The following CTR9 variants were observed in gnomAD, a reference collection of about 807,000 sequenced individuals.
CTR9 encodes RNA polymerase-associated protein CTR9 homolog.
Under a neutral mutation model 152.1 loss-of-function variants are expected in CTR9, and 41 were observed. The observed-to-expected ratio is 0.27, with a 90% CI of 0.21 to 0.35. The LOEUF is 0.35. Ranked by LOEUF, CTR9 falls within the 10% of genes least tolerant of loss-of-function variation. The pLI is 1.00. For missense variants in CTR9, 917 were observed against 1,424.4 expected (o/e 0.64, Z 5.73); for synonymous variants, 476 against 496.2 (o/e 0.96, Z 0.54).
At chr11:10,778,621 C>T (rs1863278535) in intron 24 of CTR9, 58 bp from the exon 25 acceptor site, 3 of 1,517,414 alleles carry the variant, frequency 2.0e-6, no homozygotes, top group Non-Finnish European at 1.8e-6. Context: ...ATTGTCTGCT[C>T]ATCAAGGCCC....
intron 24 of CTR9, 106 bp downstream of exon 24, chr11:10,775,739 C>A: frequency 4.2e-5 from 18 of 424,418 alleles, no homozygotes; most frequent in Non-Finnish European, 6.2e-5. Flanking sequence ...CTTTCTTTTT[C>A]TTTATAAATA....
intron 18 of CTR9, 126 bp downstream of exon 18, chr11:10,770,758 A>G (rs944359985): frequency 1.1e-6 from 1 of 886,830 alleles, no homozygotes; most frequent in African/African-American, 1.7e-5. Context: ...GCTGAAAATC[A>G]CTTCCTTCTA....
chr11:10,763,817 A>C lies in CTR9; in HGVS notation c.1132A>C (p.Met378Leu). ...AGCTTATCCTAATAATTACGAAACT[A>C]TGAAAATTCTCGGCTCTCTCTATGC... ...LKAYPNNYET[M>L]KILGSLYAAS... The change falls in exon 9 of 25, where the codon ATG becomes CTG. Residue 378 changes from methionine (M) to leucine (L), a missense_variant. Around this residue, in one of 9 missense-constraint regions of CTR9, gnomAD observed 133 missense variants for 244.1 expected, o/e 0.54. Transcript: ENST00000361367. 1 of 1,613,958 alleles carries C rather than the reference A, an allele frequency of 6.2e-7. No individual in the cohort carries two copies. The highest frequency in any genetic ancestry group is 8.5e-7 in the Non-Finnish European group (1 of 1,179,990).
At position 10,751,565 on chromosome 11, in the gene CTR9, G is replaced by C. The variant is rs528433025; in HGVS notation, c.45+108G>C. 3.2e-5 allele frequency: 35 copies of C among 1,096,730 alleles called. No individual in the cohort carries two copies. In the Middle Eastern group the frequency reaches 8.1e-4, roughly 25 times the overall value. The allele number at this position is 1,096,730 out of a possible 1,614,324, so 67.9% of individuals were successfully genotyped here. A position where few individuals can be genotyped will look rare whatever the true frequency, so the allele number is the denominator to read the frequency against. ...GCGAGAGCATCCTCCTTCCCTAAGAGCCCTGATCGAAATACCTGGCCAAGG... is the reference window on the plus strand; with the variant it reads ...GCGAGAGCATCCTCCTTCCCTAAGACCCCTGATCGAAATACCTGGCCAAGG... On this transcript the variant is annotated intron_variant, in intron 1 of 24. Transcript: ENST00000361367.
intron 2 of CTR9, among the ~76,000 whole-genome samples, chr11:10,754,226 G>A (rs1347877347): frequency 6.6e-6 from 1 of 152,130 alleles, no homozygotes; most frequent in Non-Finnish European, 1.5e-5. Flanking sequence ...TTGTTAAACA[G>A]GCCCAAATCA....
At chr11:10,756,284 C>A (rs905314934) in intron 4 of CTR9, among the ~76,000 whole-genome samples, 1 of 152,154 alleles carries the variant, frequency 6.6e-6, no homozygotes, top group Admixed American at 6.5e-5. Context: ...TTCAGTGGTA[C>A]AAGTGCAGGT....
chr11:10,759,180 T>A (rs1409315394), intron 5 of CTR9, among the ~76,000 whole-genome samples: 1 of 152,138 alleles, frequency 6.6e-6, no homozygotes, highest in African/African-American at 2.4e-5. Flanking sequence ...AGCACTCTGA[T>A]ATTAAGAGAT....
At chr11:10,773,884 C>CAA (rs11386264) in intron 21 of CTR9, 128 bp from the exon 22 acceptor site, 11,831 of 400,190 alleles carry the variant, frequency 0.03, 72 homozygotes, top group African/African-American at 0.056. Context: ...GACTTCATCT[C>CAA]AAAAAAAAAA....
At chr11:10,772,752 G>A in intron 20 of CTR9, 97 bp downstream of exon 20, 1 of 1,245,798 alleles carries the variant, frequency 8.0e-7, no homozygotes, top group East Asian at 2.7e-5. Context: ...AGGCGTGGTG[G>A]CTGACACCTC....
chr11:10,779,031 G>A lies in CTR9; in HGVS notation c.3448G>A (p.Glu1150Lys). 1.2e-6 allele frequency: 2 copies of A among 1,614,178 alleles called. No homozygotes were observed. The highest frequency in any genetic ancestry group is 1.7e-6 in the Non-Finnish European group (2 of 1,180,034). ...GGGTTCTGGCCAAGGCTCTGGAAAT[G>A]AATCGGAACCAGAGGGATCCAACAA... Reference protein sequence around the residue: ...NEGSGQGSGNESEPEGSNNEA... With the variant: ...NEGSGQGSGNKSEPEGSNNEA... The change falls in exon 25 of 25, where the codon GAA (glutamate) becomes AAA (lysine). Residue 1150 changes from glutamate to lysine, a missense_variant. Transcript: ENST00000361367.
chr11:10,775,144 A>G (rs546751004), intron 22 of CTR9, 63 bp from the exon 23 acceptor site: 125 of 1,317,386 alleles, frequency 9.5e-5, no homozygotes, highest in African/African-American at 8.5e-4. Context: ...TTTAATGGCA[A>G]AGTAGTCTGG....
chr11:10,762,669 G>A (rs1276854977), intron 7 of CTR9, among the ~76,000 whole-genome samples: 2 of 152,056 alleles, frequency 1.3e-5, no homozygotes, highest in Non-Finnish European at 2.9e-5. Flanking sequence ...TTTTTAAGTT[G>A]CCACTAATTC....
chr11:10,761,601 T>A (rs2135364975), intron 6 of CTR9, among the ~76,000 whole-genome samples: 1 of 151,928 alleles, frequency 6.6e-6, no homozygotes, highest in East Asian at 1.9e-4. Context: ...CACAGTGAGA[T>A]CCTGTCTGAA....
At chr11:10,757,174 C>G (rs1862899067) in intron 5 of CTR9, among the ~76,000 whole-genome samples, 1 of 151,978 alleles carries the variant, frequency 6.6e-6, no homozygotes. Flanking sequence ...GGTCCCAGCT[C>G]CTTAGGAGGC....
At chr11:10,776,046 T>G (rs558784332) in intron 24 of CTR9, among the ~76,000 whole-genome samples, 19 of 152,212 alleles carry the variant, frequency 1.2e-4, no homozygotes, top group Non-Finnish European at 1.9e-4. Flanking sequence ...CCTGGTCATA[T>G]GGAGATAGGC....
chr11:10,772,855 C>T lies in CTR9; in HGVS notation c.2580+200C>T, dbSNP rs191915212. ...CAGCCTGGCCAACATGGTGGAACCC[C>T]GTCTCTACTAAAAATACAAAAATTA... On this transcript the variant is annotated intron_variant, in intron 20 of 24. Transcript: ENST00000361367. Among the ~76,000 whole-genome samples, 412 of 151,896 alleles carry T rather than the reference C, an allele frequency of 2.7e-3. 1 individual carries two copies. The highest frequency in any genetic ancestry group is 9.2e-3 in the African/African-American group (379 of 41,416).
At chr11:10,756,881 C>A in intron 5 of CTR9, 43 bp downstream of exon 5, 2 of 1,185,630 alleles carry the variant, frequency 1.7e-6, no homozygotes, top group South Asian at 1.3e-5. Context: ...GTGTATTACC[C>A]AGCTTAAAGC....
rs1272259615 is a variant in CTR9, at chr11:10,769,607, T to C, written c.2110-603T>C. On this transcript the variant is annotated intron_variant, in intron 16 of 24. Coordinates refer to ENST00000361367, the MANE Select transcript of CTR9 (RefSeq NM_014633.5). ...ATCTGCTGAATGATAATGTTGTCTT[T>C]TATAAATGCAAATTAACTACTAGGG... is the stretch of plus-strand genomic sequence containing the variant. Among the ~76,000 whole-genome samples, 5 of 152,204 alleles carry C rather than the reference T, an allele frequency of 3.3e-5. No individual in the cohort carries two copies. In the East Asian group the frequency reaches 9.6e-4, roughly 29 times the overall value.
At chr11:10,775,695 A>T (rs1283747703) in intron 24 of CTR9, 62 bp downstream of exon 24, 18 of 1,106,314 alleles carry the variant, frequency 1.6e-5, no homozygotes, top group Non-Finnish European at 2.4e-5. Context: ...GTGATTACTA[A>T]TCAGCCTGTC....
Sources: allele counts gnomAD v4.1 joint callset (sites outside exome capture counted in the v4.1 genomes callset), GRCh38; gene constraint gnomAD v4.1.1; regional missense constraint gnomAD v4.1.1; transcripts MANE v1.5; gene names NCBI Gene and HGNC (gene_info 2026-07-23, HGNC 2026-07-21).